RASGEF1A: variants seen among roughly 807,000 people sequenced by gnomAD.
RASGEF1A encodes ras-GEF domain-containing family member 1A.
RASGEF1A carries 18 observed loss-of-function variants against 56.4 expected under a neutral mutation model. That is an observed-to-expected ratio of 0.32 (90% CI 0.22 to 0.47). The LOEUF (loss-of-function observed/expected upper bound fraction) is 0.47, where lower values mean the gene tolerates loss of function less well. Among genes scored for constraint, RASGEF1A ranks in the 20% least tolerant of loss-of-function variants. The pLI is 1.00. For missense variants in RASGEF1A, 422 were observed against 627.1 expected (o/e 0.67, Z 3.49); for synonymous variants, 245 against 242.6 (o/e 1.01, Z -0.09).
chr10:43,207,875 G>T, intron 1 of RASGEF1A: 1 of 477,686 alleles, frequency 2.1e-6, no homozygotes, highest in Non-Finnish European at 2.7e-6. Context: ...CAGTGGGAAG[G>T]AACTCAACTA....
intron 1 of RASGEF1A, among the ~76,000 whole-genome samples, chr10:43,256,940 C>T (rs140794373): frequency 3.9e-5 from 6 of 152,340 alleles, no homozygotes; most frequent in Non-Finnish European, 8.8e-5. Context: ...CTGCCTTCAT[C>T]GCTCCCTCCT....
intron 1 of RASGEF1A, among the ~76,000 whole-genome samples, chr10:43,263,816 G>A (rs971315555): frequency 1.3e-5 from 2 of 152,190 alleles, no homozygotes; most frequent in Non-Finnish European, 2.9e-5. Context: ...TGCTGCAGCA[G>A]AGCCGGGACA....
intron 1 of RASGEF1A, among the ~76,000 whole-genome samples, chr10:43,212,835 T>C (rs1840086751): frequency 6.6e-6 from 1 of 152,198 alleles, no homozygotes; most frequent in African/African-American, 2.4e-5. Flanking sequence ...CTTTAGCTTC[T>C]GAATATTCAC....
intron 1 of RASGEF1A, among the ~76,000 whole-genome samples, chr10:43,265,250 G>A (rs1006079914): frequency 3.3e-5 from 5 of 152,244 alleles, no homozygotes; most frequent in Non-Finnish European, 7.3e-5. Flanking sequence ...CCATCCGGCT[G>A]GCAGCTCGAA....
At chr10:43,215,410 G>C (rs1349872699) in intron 1 of RASGEF1A, among the ~76,000 whole-genome samples, 1 of 152,258 alleles carries the variant, frequency 6.6e-6, no homozygotes, top group African/African-American at 2.4e-5. Context: ...CATCTCGCCT[G>C]TCTCCCCTCT....
Position 43,206,098 on chromosome 10 carries a change from C to G in RASGEF1A, c.19G>C (p.Val7Leu). The change falls in exon 2 of 13, where the codon GTC becomes CTC. Residue 7 changes from valine to leucine, a missense_variant. This residue lies in a region of RASGEF1A where 273 missense variants were observed against 339.9 expected (regional missense o/e 0.80). Transcript: ENST00000395810. MPQTSV[V>L]FSSILGPSCS... ...CTGGGCCCAAGGATGCTGGAGAAGA[C>G]AACGGACGTCTGGGGCATAGTTTCC... 1 of 1,591,320 alleles carries G rather than the reference C, an allele frequency of 6.3e-7. No individual in the cohort carries two copies. Among genetic ancestry groups the G allele is most frequent in the Non-Finnish European group, 8.6e-7 (1 of 1,169,290 alleles).
intron 1 of RASGEF1A, among the ~76,000 whole-genome samples, chr10:43,246,985 A>G (rs1840573171): frequency 1.3e-5 from 2 of 152,194 alleles, no homozygotes; most frequent in South Asian, 4.1e-4. Context: ...GGGAAACACT[A>G]CCCTCAGAAT....
chr10:43,209,309 G>T, intron 1 of RASGEF1A: 2 of 698,404 alleles, frequency 2.9e-6, no homozygotes, highest in Non-Finnish European at 3.5e-6. Flanking sequence ...CAGACGAGGG[G>T]TGAGTACCTG....
intron 9 of RASGEF1A, 106 bp downstream of exon 9, chr10:43,198,827 C>T: frequency 2.0e-6 from 2 of 1,019,724 alleles, no homozygotes; most frequent in South Asian, 1.3e-5. Flanking sequence ...GTGCTAGCCC[C>T]AGGGAGAGGA....
chr10:43,234,430 A>G (rs780688356), intron 1 of RASGEF1A, among the ~76,000 whole-genome samples: 1 of 152,128 alleles, frequency 6.6e-6, no homozygotes, highest in Non-Finnish European at 1.5e-5. Context: ...AAGCAATGGC[A>G]AGTGAGAGGC....
intron 3 of RASGEF1A, among the ~76,000 whole-genome samples, chr10:43,202,943 G>A (rs917395508): frequency 2.3e-5 from 2 of 87,986 alleles, no homozygotes; most frequent in African/African-American, 9.3e-5. Flanking sequence ...CCCTAGCACT[G>A]ACCCTGCCCC....
Position 43,196,089 on chromosome 10 carries a change from G to C in RASGEF1A, c.*155C>G, listed in dbSNP as rs188454909. 1 of 697,990 alleles carries C rather than the reference G, an allele frequency of 1.4e-6. No individual in the cohort carries two copies. Among genetic ancestry groups the C allele is most frequent in the East Asian group, 2.7e-5 (1 of 37,702 alleles). The allele number at this position is 697,990 out of a possible 1,614,324, so 43.2% of individuals were successfully genotyped here. On this transcript the variant is annotated 3_prime_UTR_variant, in exon 13 of 13. Coordinates refer to ENST00000395810, the MANE Select transcript of RASGEF1A (RefSeq NM_145313.4). This position sits in a 1 kb window ranked among gnomAD's most constrained non-coding sequence, Gnocchi z 4.6. The stretch of plus-strand genomic sequence containing the variant: ...CAAAAAAAACTTTGTAAGTGCCAAA[G>C]GTTGATGCGTGAAATAATTACCATT...
chr10:43,198,100 C>G lies in RASGEF1A; in HGVS notation c.1128G>C (p.Lys376Asn). 6.2e-7 allele frequency: 1 copy of G among 1,614,208 alleles called. No homozygotes were observed. The highest frequency in any genetic ancestry group is 1.1e-5 in the South Asian group (1 of 91,080). The stretch of plus-strand genomic sequence containing the variant: ...AGAGGTTGAACACAGGGATGACGAT[C>G]TTTTCACGGCTGCTGTTGGCCATCT... ...RSQMANSSRE[K>N]IVIPVFNLFV... Residue 376 changes from lysine (K) to asparagine (N), a missense_variant, in exon 10 of 13, where the codon AAG (lysine) becomes AAC (asparagine). Physicochemically the swap from Lys to Asn is moderately conservative, Grantham distance 94. Coordinates refer to ENST00000395810, the MANE Select transcript of RASGEF1A (RefSeq NM_145313.4).
intron 2 of RASGEF1A, among the ~76,000 whole-genome samples, chr10:43,205,628 G>C (rs938336560): frequency 6.6e-6 from 1 of 152,190 alleles, no homozygotes; most frequent in Non-Finnish European, 1.5e-5. Context: ...TCAGGGCCCT[G>C]CTCGGCCCTT....
chr10:43,240,224 C>A (rs1299128626), intron 1 of RASGEF1A, among the ~76,000 whole-genome samples: 2 of 152,186 alleles, frequency 1.3e-5, no homozygotes, highest in Admixed American at 1.3e-4. Context: ...TCTTTCCAAT[C>A]ATTATTTGAC....
chr10:43,254,118 C>G (rs1224021125), intron 1 of RASGEF1A, among the ~76,000 whole-genome samples: 1 of 152,236 alleles, frequency 6.6e-6, no homozygotes, highest in African/African-American at 2.4e-5. Context: ...CAGGGCTGTG[C>G]TCTGTGACCC....
chr10:43,251,598 C>T (rs1401942006), intron 1 of RASGEF1A, among the ~76,000 whole-genome samples: 1 of 152,192 alleles, frequency 6.6e-6, no homozygotes, highest in Non-Finnish European at 1.5e-5. Flanking sequence ...GAGCCCACAG[C>T]CCACACCACC....
chr10:43,225,032 G>C (rs1840255736), intron 1 of RASGEF1A, among the ~76,000 whole-genome samples: 1 of 151,824 alleles, frequency 6.6e-6, no homozygotes, highest in Admixed American at 6.6e-5. Flanking sequence ...GTCTCTGTAT[G>C]TGTCTGTGTG....
chr10:43,194,981 C>T lies in RASGEF1A; in HGVS notation c.*1263G>A. ...CCTCCTCCCCAGGCCCAGCCTTTCC[C>T]AATGTCTTCAGGCTCTTCCAGGAGC... is the stretch of plus-strand genomic sequence containing the variant. On this transcript the variant is annotated 3_prime_UTR_variant, in exon 13 of 13. Coordinates refer to ENST00000395810, the MANE Select transcript of RASGEF1A (RefSeq NM_145313.4). 1 of 152,566 alleles carries T rather than the reference C, an allele frequency of 6.6e-6. No individual in the cohort carries two copies. Among genetic ancestry groups the T allele is most frequent in the Non-Finnish European group, 1.5e-5 (1 of 68,098 alleles). 9.5% of individuals were successfully genotyped at this position (152,566 alleles called of 1,614,324 possible).
Sources: allele counts gnomAD v4.1 joint callset (sites outside exome capture counted in the v4.1 genomes callset), GRCh38; gene constraint gnomAD v4.1.1; regional missense constraint gnomAD v4.1.1; non-coding constraint Gnocchi (gnomAD v3.1); transcripts MANE v1.5; gene names NCBI Gene and HGNC (gene_info 2026-07-23, HGNC 2026-07-21).